ZNF665: variants seen among roughly 807,000 people sequenced by gnomAD.
The protein encoded by ZNF665 is zinc finger protein 665.
A neutral mutation model predicts 7.9 loss-of-function variants in ZNF665; 6 were observed. The observed-to-expected ratio is 0.76, with a 90% CI of 0.42 to 1.50. The LOEUF (loss-of-function observed/expected upper bound fraction) is 1.50, where lower values mean the gene tolerates loss of function less well. Ranked by LOEUF, ZNF665 falls within the 40% of genes most tolerant of loss-of-function variation. The pLI, the probability that ZNF665 is intolerant of heterozygous loss-of-function variation, is 0.01. For synonymous variants in ZNF665, 242 were observed against 274.5 expected (o/e 0.88, Z 1.17); for missense variants, 819 against 806.7 (o/e 1.02, Z -0.18).
At chr19:53,173,653 G>C (rs575033663) in intron 3 of ZNF665, among the ~76,000 whole-genome samples, 1 of 152,086 alleles carries the variant, frequency 6.6e-6, no homozygotes, top group South Asian at 2.1e-4. Context: ...GATTACAGGG[G>C]AAAGCCACCG....
intron 3 of ZNF665, among the ~76,000 whole-genome samples, chr19:53,167,794 C>T (rs1167267132): frequency 3.4e-5 from 5 of 148,498 alleles, no homozygotes; most frequent in African/African-American, 9.8e-5. Flanking sequence ...CGGTGGCTCC[C>T]GCCTGTAATC....
Position 53,189,319 on chromosome 19 carries a change from G to C in ZNF665, c.-46+3993C>G, listed in dbSNP as rs552208422. Among the ~76,000 whole-genome samples the C allele has an allele frequency of 5.3e-5, 8 of 151,876 alleles. No homozygotes were observed. The South Asian group carries it at 1.7e-3, about 32-fold the overall frequency. ...GATAAAAGAAAAGGCAGCTGCGCCC[G>C]GGGGACCACTACCACCAATGCACGG... On this transcript the variant is annotated intron_variant, in intron 1 of 3. Coordinates refer to ENST00000396424, the MANE Select transcript of ZNF665 (RefSeq NM_024733.5).
At chr19:53,173,759 A>C (rs2090676265) in intron 3 of ZNF665, among the ~76,000 whole-genome samples, 1 of 152,128 alleles carries the variant, frequency 6.6e-6, no homozygotes, top group Non-Finnish European at 1.5e-5. Context: ...TATCTTCATA[A>C]TACAGTTTGA....
intron 2 of ZNF665, among the ~76,000 whole-genome samples, chr19:53,176,539 T>G (rs916845838): frequency 6.6e-6 from 1 of 152,180 alleles, no homozygotes; most frequent in African/African-American, 2.4e-5. Context: ...CTCTAACAAA[T>G]TAATTGATCC....
At chr19:53,191,262 G>A (rs1041381376) in intron 1 of ZNF665, among the ~76,000 whole-genome samples, 1 of 152,186 alleles carries the variant, frequency 6.6e-6, no homozygotes, top group African/African-American at 2.4e-5. Flanking sequence ...GAGAGGCGAT[G>A]CATTCTTTGT....
At chr19:53,173,757 T>G (rs542295569) in intron 3 of ZNF665, among the ~76,000 whole-genome samples, 2 of 152,172 alleles carry the variant, frequency 1.3e-5, no homozygotes, top group African/African-American at 4.8e-5. Flanking sequence ...TATATCTTCA[T>G]AATACAGTTT....
intron 1 of ZNF665, among the ~76,000 whole-genome samples, chr19:53,189,049 T>TTC (rs1568668453): frequency 8.5e-6 from 1 of 117,762 alleles, no homozygotes; most frequent in Non-Finnish European, 1.7e-5. Context: ...AGGCTTTATT[T>TTC]TCTGTGTGTG....
At chr19:53,192,912 C>T (rs1338311562) in intron 1 of ZNF665, among the ~76,000 whole-genome samples, 4 of 152,128 alleles carry the variant, frequency 2.6e-5, no homozygotes, top group Non-Finnish European at 5.9e-5. Context: ...TATGCAGGAT[C>T]CCAGGACCAG....
chr19:53,164,133 C>CTTTTTTTTTTTTTTTTTT lies in ZNF665; in HGVS notation c.*302_*319dup, dbSNP rs35735454. 3.8e-5 allele frequency: 4 copies of CTTTTTTTTTTTTTTTTTT among 104,628 alleles called. No homozygotes were observed. Among genetic ancestry groups the CTTTTTTTTTTTTTTTTTT allele is most frequent in the African/African-American group, 1.3e-4 (4 of 30,394 alleles). The allele number at this position is 104,628 out of a possible 1,614,324, so 6.5% of individuals were successfully genotyped here. On this transcript the variant is annotated 3_prime_UTR_variant, in exon 4 of 4. Transcript: ENST00000396424. ...CTGGCCGCACTCCTTTGTAAGGTTA[C>CTTTTTTTTTTTTTTTTTT]TTTTTTTTTTTTTTTTTTTTTGGAG... is the stretch of plus-strand genomic sequence containing the variant.
intron 3 of ZNF665, among the ~76,000 whole-genome samples, chr19:53,167,193 G>T (rs1043809160): frequency 1.3e-5 from 2 of 151,764 alleles, no homozygotes; most frequent in African/African-American, 2.4e-5. Flanking sequence ...TAGAGACAGG[G>T]TTTCTCCATG....
At position 53,176,742 on chromosome 19, in the gene ZNF665, G is replaced by T. The variant is rs185703047; in HGVS notation, c.16-1171C>A. On this transcript the variant is annotated intron_variant, in intron 2 of 3. Coordinates refer to ENST00000396424, the MANE Select transcript of ZNF665 (RefSeq NM_024733.5). ...GAGGACACCCAGGTCATATATCCAC[G>T]GCAGAACTGCTTGATTGATGTGATG... Among the ~76,000 whole-genome samples the T allele has an allele frequency of 2.2e-4, 34 of 152,294 alleles. 1 individual carries two copies. In the East Asian group the frequency reaches 4.8e-3, roughly 22 times the overall value.
At chr19:53,177,206 A>T (rs908428755) in intron 2 of ZNF665, among the ~76,000 whole-genome samples, 1 of 152,202 alleles carries the variant, frequency 6.6e-6, no homozygotes, top group African/African-American at 2.4e-5. Flanking sequence ...TGAGCAAGTT[A>T]TGTCTGTTTA....
rs1256280054 is a variant in ZNF665 at position 53,165,705 on chromosome 19, T to C, written c.785A>G (p.Tyr262Cys). 6.2e-7 allele frequency: 1 copy of C among 1,614,232 alleles called. No homozygotes were observed. Among genetic ancestry groups the C allele is most frequent in the South Asian group, 1.1e-5 (1 of 91,088 alleles). ...GGCTTTGCCACACTCATTACACTTG[T>C]AAGGTTTCTCTCCAGTATGAATTCT... ...HQRIHTGEKP[Y>C]KCNECGKAFR... is the part of the protein sequence containing the mutation. The change falls in exon 4 of 4, where the codon TAC (tyrosine) becomes TGC (cysteine). Residue 262 changes from tyrosine to cysteine, a missense_variant. Tyr to Cys is a radical substitution (Grantham distance 194). Coordinates refer to ENST00000396424, the MANE Select transcript of ZNF665 (RefSeq NM_024733.5).
At chr19:53,170,726 A>C (rs944738316) in intron 3 of ZNF665, among the ~76,000 whole-genome samples, 1 of 152,200 alleles carries the variant, frequency 6.6e-6, no homozygotes, top group East Asian at 1.9e-4. Context: ...TGCTGCATTA[A>C]ACATGGAATG....
intron 3 of ZNF665, among the ~76,000 whole-genome samples, chr19:53,168,830 G>C (rs1044875987): frequency 6.6e-6 from 1 of 152,054 alleles, no homozygotes; most frequent in African/African-American, 2.4e-5. Flanking sequence ...AGAATAAATG[G>C]CAATTCCATG....
chr19:53,170,116 T>C (rs1363946716), intron 3 of ZNF665, among the ~76,000 whole-genome samples: 1 of 148,366 alleles, frequency 6.7e-6, no homozygotes, highest in Non-Finnish European at 1.5e-5. Flanking sequence ...CACACTGACT[T>C]CCACAATGGT....
In ZNF665 at chr19:53,164,936, C is replaced by G. The variant is rs747879343; in HGVS notation, c.1554G>C (p.Glu518Asp). The change falls in exon 4 of 4, where the codon GAG (glutamate) becomes GAC (aspartate). Residue 518 changes from glutamate to aspartate, a missense_variant. By Grantham distance (45) the Glu-to-Asp change is conservative (BLOSUM62 2). Transcript: ENST00000396424. ...HTGEKPYKCN[E>D]CGKAFSVHSS... ...AATGAACACTAAAGGCTTTGCCACA[C>G]TCATTACACTTGTAAGGTTTTTCTC... 5 of 1,614,046 alleles carry G rather than the reference C, an allele frequency of 3.1e-6. No individual in the cohort carries two copies. In the Admixed American group the frequency reaches 8.3e-5, roughly 27 times the overall value.
intron 1 of ZNF665, among the ~76,000 whole-genome samples, chr19:53,183,660 G>T (rs985015919): frequency 1.3e-5 from 2 of 152,070 alleles, no homozygotes; most frequent in African/African-American, 4.8e-5. Context: ...ATGCTGAAGC[G>T]GGGGTCAGGG....
At chr19:53,191,608 C>T (rs2146898174) in intron 1 of ZNF665, 1 of 152,292 alleles carries the variant, frequency 6.6e-6, no homozygotes, top group East Asian at 1.9e-4. Context: ...TTTTGGGACG[C>T]TGAGGTGGGT....
Sources: allele counts gnomAD v4.1 joint callset (sites outside exome capture counted in the v4.1 genomes callset), GRCh38; gene constraint gnomAD v4.1.1; transcripts MANE v1.5; gene names NCBI Gene and HGNC (gene_info 2026-07-23, HGNC 2026-07-21).